The following DDX19B variants were observed in gnomAD, a reference collection of about 807,000 sequenced individuals.
The protein encoded by DDX19B is DEAD-box helicase 19B, also known as ATP-dependent RNA helicase DDX19B.
A neutral mutation model predicts 58.1 loss-of-function variants in DDX19B; 27 were observed. The ratio of observed to expected loss-of-function variants is 0.46; its 90% CI spans 0.34 to 0.64. The LOEUF (loss-of-function observed/expected upper bound fraction) is 0.64, where lower values mean the gene tolerates loss of function less well. Among genes scored for constraint, DDX19B ranks in the 30% least tolerant of loss-of-function variants. The pLI, the probability that DDX19B is intolerant of heterozygous loss-of-function variation, is 0.01. For synonymous variants in DDX19B, 187 were observed against 214.4 expected (o/e 0.87, Z 1.12); for missense variants, 399 against 596.5 (o/e 0.67, Z 3.45).
chr16:70,331,576 C>A, intron 9 of DDX19B, 146 bp from the exon 10 acceptor site: 1 of 1,099,394 alleles, frequency 9.1e-7, no homozygotes, highest in Non-Finnish European at 1.3e-6. Context: ...TACTACCATG[C>A]TTCATTGAGA....
chr16:70,298,832 C>A (rs1334830523), upstream of DDX19B, among the ~76,000 whole-genome samples: 2 of 152,128 alleles, frequency 1.3e-5, no homozygotes, highest in African/African-American at 4.8e-5. Context: ...TTGCCAACAT[C>A]TGGACATTTT....
At chr16:70,303,271 C>T (rs1386852574) in intron 1 of DDX19B, among the ~76,000 whole-genome samples, 1 of 152,070 alleles carries the variant, frequency 6.6e-6, no homozygotes, top group African/African-American at 2.4e-5. Flanking sequence ...ACCCTGTCTC[C>T]AGAGTAGCTG....
intron 1 of DDX19B, among the ~76,000 whole-genome samples, chr16:70,299,841 T>G (rs1161026737): frequency 6.6e-6 from 1 of 152,168 alleles, no homozygotes; most frequent in Non-Finnish European, 1.5e-5. Context: ...TCAGGGACCA[T>G]GTCTTTGCTC....
chr16:70,310,436 G>A (rs1158154192), intron 1 of DDX19B, among the ~76,000 whole-genome samples: 1 of 152,052 alleles, frequency 6.6e-6, no homozygotes, highest in Non-Finnish European at 1.5e-5. Flanking sequence ...AGCTACTTGG[G>A]AGGCTAAGGC....
At chr16:70,325,334 G>A (rs529449578) in intron 6 of DDX19B, among the ~76,000 whole-genome samples, 10 of 152,188 alleles carry the variant, frequency 6.6e-5, no homozygotes, top group Non-Finnish European at 8.8e-5. Flanking sequence ...TTGCTCATGG[G>A]TGGGTTTTTG....
rs754374592 is a variant in DDX19B at position 70,301,235 on chromosome 16, C to T, written c.57+1881C>T. 4.6e-5 allele frequency among the ~76,000 whole-genome samples: 7 copies of T among 152,190 alleles called. No homozygotes were observed. In the South Asian group the frequency reaches 6.2e-4, roughly 14 times the overall value. On this transcript the variant is annotated intron_variant, in intron 1 of 11. Coordinates refer to ENST00000288071, the MANE Select transcript of DDX19B (RefSeq NM_007242.7). The stretch of plus-strand genomic sequence containing the variant: ...CATCTGTCAGCTTTCTGGAGGTGTA[C>T]GGGAAGTAAATTACTTTAAGAATAT...
intron 2 of DDX19B, 27 bp downstream of exon 2, chr16:70,312,684 A>G (rs1364697005): frequency 6.3e-7 from 1 of 1,584,482 alleles, no homozygotes; most frequent in East Asian, 2.2e-5. Flanking sequence ...TAGTTTGAAA[A>G]CAAATGTGAT....
Position 70,333,904 on chromosome 16 carries a change from C to T in DDX19B, c.*322C>T. 1 of 414,404 alleles carries T rather than the reference C, an allele frequency of 2.4e-6. No individual in the cohort carries two copies. Among genetic ancestry groups the T allele is most frequent in the Admixed American group, 3.8e-5 (1 of 26,172 alleles). The allele number at this position is 414,404 out of a possible 1,614,324, so 25.7% of individuals were successfully genotyped here. ...GTGGCTGATTACTTGCCCAGGATCT[C>T]CTGTGGCAGCCTCTGCTTGTTCTCT... On this transcript the variant is annotated 3_prime_UTR_variant, in exon 12 of 12. Transcript: ENST00000288071.
Position 70,315,042 on chromosome 16 carries a change from T to G in DDX19B, c.160+87T>G, listed in dbSNP as rs1029198330. 68 of 1,466,934 alleles carry G rather than the reference T, an allele frequency of 4.6e-5. No homozygotes were observed. The highest frequency in any genetic ancestry group is 2.0e-4 in the Middle Eastern group (1 of 5,004). The allele number at this position is 1,466,934 out of a possible 1,614,324, so 90.9% of individuals were successfully genotyped here. On this transcript the variant is annotated intron_variant, in intron 3 of 11. Transcript: ENST00000288071. ...TATGAGGCTTCATTTTTATACCCAG[T>G]TTGGCTTGACTTTAATAGGCGATAC...
At chr16:70,297,875 G>A (rs565516967), upstream of DDX19B, among the ~76,000 whole-genome samples, 5 of 152,184 alleles carry the variant, frequency 3.3e-5, no homozygotes, top group African/African-American at 7.2e-5. Flanking sequence ...CATGTGCGAC[G>A]ACACCTGGCT....
At chr16:70,321,254 G>A (rs534127660) in intron 5 of DDX19B, among the ~76,000 whole-genome samples, 9 of 152,224 alleles carry the variant, frequency 5.9e-5, no homozygotes, top group African/African-American at 9.6e-5. Context: ...GAGCCACTGC[G>A]CCCGGCCTTC....
chr16:70,312,159 C>G (rs1245674937), intron 1 of DDX19B, among the ~76,000 whole-genome samples: 2 of 152,092 alleles, frequency 1.3e-5, no homozygotes, highest in Non-Finnish European at 2.9e-5. Flanking sequence ...CTTTTCATCA[C>G]AGTCCTCCCT....
rs750578641 is a variant in DDX19B, at chr16:70,299,189, G to A, written c.-109G>A. On this transcript the variant is annotated 5_prime_UTR_variant, in exon 1 of 12. Coordinates refer to ENST00000288071, the MANE Select transcript of DDX19B (RefSeq NM_007242.7). ...TGTGGCGCGCCGCTTCCGGTCTGCA[G>A]CCTTGTAGTGGGGCTGGAGCAGAGC... 6.1e-5 allele frequency: 86 copies of A among 1,402,168 alleles called. No homozygotes were observed. Among genetic ancestry groups the A allele is most frequent in the Non-Finnish European group, 7.8e-5 (84 of 1,079,850 alleles). The allele number at this position is 1,402,168 out of a possible 1,614,324, so 86.9% of individuals were successfully genotyped here.
chr16:70,317,402 A>G (rs1962490487), intron 4 of DDX19B, 94 bp from the exon 5 acceptor site: 3 of 924,712 alleles, frequency 3.2e-6, no homozygotes. Flanking sequence ...ACAAAAAACT[A>G]TGTGTAAACA....
At chr16:70,302,230 AT>A (rs1014312272) in intron 1 of DDX19B, among the ~76,000 whole-genome samples, 2 of 152,072 alleles carry the variant, frequency 1.3e-5, no homozygotes, top group Non-Finnish European at 2.9e-5. Context: ...CAGCCCTTTA[AT>A]TTTTTTAAAA....
chr16:70,292,739 G>A (rs1169437160), upstream of DDX19B, among the ~76,000 whole-genome samples: 4 of 152,190 alleles, frequency 2.6e-5, no homozygotes, highest in East Asian at 7.7e-4. Context: ...CTTGGGGCAT[G>A]AGAAAGATAA....
upstream of DDX19B, chr16:70,294,859 C>T (rs1217331344): frequency 2.6e-6 from 4 of 1,523,392 alleles, no homozygotes; most frequent in Non-Finnish European, 3.5e-6. Flanking sequence ...GCTGGGGCTG[C>T]CGGGCGCGTC....
chr16:70,329,162 G>A (rs1441122193), intron 7 of DDX19B, 130 bp from the exon 8 acceptor site: 4 of 1,243,376 alleles, frequency 3.2e-6, no homozygotes, highest in African/African-American at 1.6e-5. Context: ...GGCAGAGGTT[G>A]CAGTGAGTCG....
At chr16:70,296,572 C>T (rs1961233680), upstream of DDX19B, among the ~76,000 whole-genome samples, 2 of 152,106 alleles carry the variant, frequency 1.3e-5, no homozygotes. Context: ...TTTTTAACCT[C>T]ATTAAAATGT....
Sources: allele counts gnomAD v4.1 joint callset (sites outside exome capture counted in the v4.1 genomes callset), GRCh38; gene constraint gnomAD v4.1.1; transcripts MANE v1.5; gene names NCBI Gene and HGNC (gene_info 2026-07-23, HGNC 2026-07-21).